SIPA1L2: variants seen among roughly 807,000 people sequenced by gnomAD.
SIPA1L2 encodes signal induced proliferation associated 1 like 2.
SIPA1L2 carries 56 observed loss-of-function variants against 163.9 expected under a neutral mutation model. That is an observed-to-expected ratio of 0.34 (90% CI 0.28 to 0.43). The LOEUF (loss-of-function observed/expected upper bound fraction) is 0.43. SIPA1L2 is among the 20% of genes least tolerant of loss of function. The pLI, the probability that SIPA1L2 is intolerant of heterozygous loss-of-function variation, is 1.00. For missense variants in SIPA1L2, 1,974 were observed against 2,193.5 expected (o/e 0.90, Z 2.00); for synonymous variants, 877 against 865.7 (o/e 1.01, Z -0.23).
At chr1:232,588,207 A>G (rs1660772375) in intron 1 of SIPA1L2, among the ~76,000 whole-genome samples, 1 of 152,214 alleles carries the variant, frequency 6.6e-6, no homozygotes, top group African/African-American at 2.4e-5. Flanking sequence ...CTATGAGGTG[A>G]TGAGCCACTT....
intron 1 of SIPA1L2, among the ~76,000 whole-genome samples, chr1:232,585,579 A>T (rs980078700): frequency 1.3e-5 from 2 of 152,022 alleles, no homozygotes; most frequent in Non-Finnish European, 2.9e-5. Context: ...ACTACTTCCT[A>T]CTCCAAGGAA....
chr1:232,551,620 C>T (rs1466278568), intron 2 of SIPA1L2, among the ~76,000 whole-genome samples: 1 of 152,204 alleles, frequency 6.6e-6, no homozygotes, highest in East Asian at 1.9e-4. Context: ...CCTGGAAAGA[C>T]CCTCCAGCCT....
intron 2 of SIPA1L2, among the ~76,000 whole-genome samples, chr1:232,519,920 A>T (rs1312105711): frequency 6.6e-6 from 1 of 152,194 alleles, no homozygotes; most frequent in Non-Finnish European, 1.5e-5. Flanking sequence ...ACAAACATCA[A>T]GGAAAATCTG....
intron 1 of SIPA1L2, among the ~76,000 whole-genome samples, chr1:232,624,080 GATAT>G (rs1326216470): frequency 6.6e-6 from 1 of 151,992 alleles, no homozygotes; most frequent in Non-Finnish European, 1.5e-5. Flanking sequence ...TATACATACA[GATAT>G]ATTATACATA....
At chr1:232,537,612 T>C (rs1227738498) in intron 2 of SIPA1L2, among the ~76,000 whole-genome samples, 1 of 152,328 alleles carries the variant, frequency 6.6e-6, no homozygotes, top group East Asian at 1.9e-4. Context: ...AGCAATGGTG[T>C]AATAATGGCT....
intron 10 of SIPA1L2, among the ~76,000 whole-genome samples, chr1:232,453,520 C>T (rs573190166): frequency 6.6e-6 from 1 of 152,316 alleles, no homozygotes; most frequent in African/African-American, 2.4e-5. Flanking sequence ...TACTGCAATG[C>T]TATTCTTTAA....
At chr1:232,624,419 A>T (rs1409247766) in intron 1 of SIPA1L2, among the ~76,000 whole-genome samples, 2 of 152,230 alleles carry the variant, frequency 1.3e-5, no homozygotes, top group Non-Finnish European at 2.9e-5. Flanking sequence ...TATCAAAACC[A>T]CCTCCAGAAG....
chr1:232,466,509 GGCCAGGT>G (rs1416525448), intron 8 of SIPA1L2, among the ~76,000 whole-genome samples: 2 of 152,166 alleles, frequency 1.3e-5, no homozygotes, highest in Non-Finnish European at 2.9e-5. Flanking sequence ...AGGAAGGACT[GGCCAGGT>G]GCGGTGGCTC....
At chr1:232,445,816 G>C (rs777582803) in intron 10 of SIPA1L2, 30 bp from the exon 11 acceptor site, 1 of 1,600,386 alleles carries the variant, frequency 6.2e-7, no homozygotes. Flanking sequence ...TGGTGAGAAG[G>C]GAAGCTCTCA....
chr1:232,562,244 C>A (rs1659080065), intron 2 of SIPA1L2, among the ~76,000 whole-genome samples: 1 of 152,182 alleles, frequency 6.6e-6, no homozygotes, highest in Non-Finnish European at 1.5e-5. Context: ...GAGGCACATG[C>A]GTCTGTAACA....
At chr1:232,630,342 A>G (rs921813766), upstream of SIPA1L2, among the ~76,000 whole-genome samples, 14 of 151,838 alleles carry the variant, frequency 9.2e-5, no homozygotes, top group Non-Finnish European at 1.6e-4. Context: ...CTGCGCGTCC[A>G]GGAGGGGCCC....
At position 232,514,992 on chromosome 1, in the gene SIPA1L2, A is replaced by T; in HGVS notation, c.348T>A (p.Asn116Lys). 1 of 1,614,184 alleles carries T rather than the reference A, an allele frequency of 6.2e-7. No individual in the cohort carries two copies. The highest frequency in any genetic ancestry group is 8.5e-7 in the Non-Finnish European group (1 of 1,180,022). Residue 116 changes from asparagine to lysine, a missense_variant, in exon 3 of 23, where the codon AAT becomes AAA. Physicochemically the swap from Asn to Lys is moderately conservative, Grantham distance 94. Transcript: ENST00000674635. Reference protein sequence around the residue: ...SYESITSVLQNGQSDQSEGQQ... With the variant: ...SYESITSVLQKGQSDQSEGQQ... Reference sequence around the variant, plus strand: ...GACCTTCACTCTGGTCACTCTGCCCATTCTGCAGGACAGAAGTGATGCTTT... The same window carrying T: ...GACCTTCACTCTGGTCACTCTGCCCTTTCTGCAGGACAGAAGTGATGCTTT...
chr1:232,579,244 T>C (rs1335838674), intron 1 of SIPA1L2, among the ~76,000 whole-genome samples: 1 of 152,214 alleles, frequency 6.6e-6, no homozygotes, highest in African/African-American at 2.4e-5. Flanking sequence ...TCCGTTTCTC[T>C]ACTTACTGTT....
chr1:232,425,880 G>C, intron 17 of SIPA1L2, 72 bp from the exon 18 acceptor site: 1 of 1,345,062 alleles, frequency 7.4e-7, no homozygotes, highest in South Asian at 1.3e-5. Context: ...GTTGGACTAA[G>C]TCCAGTGGTT....
At chr1:232,519,884 T>C (rs947900632) in intron 2 of SIPA1L2, among the ~76,000 whole-genome samples, 1 of 152,204 alleles carries the variant, frequency 6.6e-6, no homozygotes, top group Non-Finnish European at 1.5e-5. Flanking sequence ...GACTCATACT[T>C]CTAAGCTGGT....
chr1:232,565,378 T>C (rs575127859), intron 2 of SIPA1L2, among the ~76,000 whole-genome samples: 2 of 152,352 alleles, frequency 1.3e-5, no homozygotes, highest in African/African-American at 4.8e-5. Flanking sequence ...CAACACAGGC[T>C]CATGGCTAAG....
At chr1:232,452,771 C>A (rs1558188831) in intron 10 of SIPA1L2, among the ~76,000 whole-genome samples, 1 of 152,176 alleles carries the variant, frequency 6.6e-6, no homozygotes, top group Non-Finnish European at 1.5e-5. Context: ...AGAGTTTGGG[C>A]TCTAGGCTTA....
At chr1:232,512,650 A>G (rs913990379) in intron 3 of SIPA1L2, among the ~76,000 whole-genome samples, 1 of 152,204 alleles carries the variant, frequency 6.6e-6, no homozygotes, top group Non-Finnish European at 1.5e-5. Context: ...GTTCTCACTC[A>G]TAAGCAGGAG....
chr1:232,474,782 C>T (rs901596841), intron 7 of SIPA1L2, among the ~76,000 whole-genome samples: 1 of 151,692 alleles, frequency 6.6e-6, no homozygotes, highest in African/African-American at 2.4e-5. Context: ...GAGGAAAAAA[C>T]TCAAAAAGCA....
Sources: gnomAD v4.1 joint callset for allele counts (sites outside exome capture counted in the v4.1 genomes callset) on GRCh38, gnomAD v4.1.1 for gene constraint, MANE v1.5 for transcripts, NCBI Gene and HGNC (gene_info 2026-07-23, HGNC 2026-07-21) for gene names.